The following STX18 variants were observed in gnomAD, a reference collection of about 807,000 sequenced individuals.
STX18 encodes syntaxin 18.
Under a neutral mutation model 50.1 loss-of-function variants are expected in STX18, and 40 were observed. That is an observed-to-expected ratio of 0.80 (90% CI 0.62 to 1.04). STX18 has a LOEUF of 1.04. STX18 is among the 50% of genes least tolerant of loss of function. The pLI is 0.00. For missense variants in STX18, 410 were observed against 415.8 expected (o/e 0.99, Z 0.12); for synonymous variants, 158 against 151.8 (o/e 1.04, Z -0.30).
At chr4:4,508,440 A>G (rs752764320) in intron 1 of STX18, among the ~76,000 whole-genome samples, 1 of 152,184 alleles carries the variant, frequency 6.6e-6, no homozygotes, top group Non-Finnish European at 1.5e-5. Flanking sequence ...TATATAAAAT[A>G]TACATGAGAA....
chr4:4,511,855 G>A lies in STX18; in HGVS notation c.168+29942C>T, dbSNP rs1016631472. Among the ~76,000 whole-genome samples the A allele has an allele frequency of 2.0e-5, 3 of 151,730 alleles. 1 individual carries two copies. In the South Asian group the frequency reaches 6.2e-4, roughly 31 times the overall value. ...GAGATTTGAAAAATACTAAGGTAAT[G>A]TATGAAGGATGGGTTAAAGTTCAGG... is the stretch of plus-strand genomic sequence containing the variant. On this transcript the variant is annotated intron_variant, in intron 1 of 10. Transcript: ENST00000306200.
At chr4:4,530,939 C>T (rs1269935987) in intron 1 of STX18, among the ~76,000 whole-genome samples, 1 of 152,148 alleles carries the variant, frequency 6.6e-6, no homozygotes, top group Non-Finnish European at 1.5e-5. Context: ...CTTCCCACTT[C>T]TACAAAGTAT....
chr4:4,496,697 A>G (rs923315814), intron 1 of STX18, among the ~76,000 whole-genome samples: 1 of 152,168 alleles, frequency 6.6e-6, no homozygotes, highest in East Asian at 1.9e-4. Flanking sequence ...GTGGGTAGAA[A>G]GGTTGACATC....
At chr4:4,443,228 C>T (rs1324585215) in intron 5 of STX18, among the ~76,000 whole-genome samples, 2 of 152,190 alleles carry the variant, frequency 1.3e-5, no homozygotes, top group Non-Finnish European at 2.9e-5. Flanking sequence ...ATAGCAATTT[C>T]GTAATTCAAT....
chr4:4,421,218 G>A (rs930848133), intron 9 of STX18, among the ~76,000 whole-genome samples: 2 of 152,116 alleles, frequency 1.3e-5, no homozygotes, highest in African/African-American at 4.8e-5. Flanking sequence ...AGCACCCCAA[G>A]AAGTAGGTAT....
rs776414367 is a variant in STX18, at chr4:4,481,602, T to G, written c.169-9896A>C. 15 of 152,364 alleles carry G rather than the reference T, an allele frequency of 9.8e-5. No individual in the cohort carries two copies. In the Middle Eastern group the frequency reaches 0.01, roughly 104 times the overall value. 9.4% of individuals were successfully genotyped at this position (152,364 alleles called of 1,614,324 possible). A position where few individuals can be genotyped will look rare whatever the true frequency, so the allele number is the denominator to read the frequency against. Reference sequence around the variant, plus strand: ...AAAGTGATTTTTCACAAGGATCATGTACCCAAGTTTAATTTGGAGCCCACT... The same window carrying G: ...AAAGTGATTTTTCACAAGGATCATGGACCCAAGTTTAATTTGGAGCCCACT... On this transcript the variant is annotated intron_variant, in intron 1 of 10. Transcript: ENST00000306200.
At chr4:4,495,263 T>C (rs578107333) in intron 1 of STX18, among the ~76,000 whole-genome samples, 18 of 152,334 alleles carry the variant, frequency 1.2e-4, no homozygotes, top group Admixed American at 3.3e-4. Context: ...TAGGCTAATA[T>C]TGGAAGACCT....
intron 1 of STX18, among the ~76,000 whole-genome samples, chr4:4,513,421 A>G (rs1730097795): frequency 6.6e-6 from 1 of 152,180 alleles, no homozygotes; most frequent in South Asian, 2.1e-4. Flanking sequence ...ACCAAAGGAT[A>G]GAGAAACAGG....
intron 1 of STX18, among the ~76,000 whole-genome samples, chr4:4,505,363 T>C (rs1729651011): frequency 6.6e-6 from 1 of 152,210 alleles, no homozygotes; most frequent in Non-Finnish European, 1.5e-5. Flanking sequence ...GGCAACACAG[T>C]ACACTGCAAA....
intron 1 of STX18, among the ~76,000 whole-genome samples, chr4:4,539,925 T>C (rs1009395943): frequency 7.2e-5 from 11 of 152,120 alleles, no homozygotes; most frequent in African/African-American, 2.7e-4. Flanking sequence ...TGAGCAGGAC[T>C]CAAAATTAGC....
At chr4:4,469,825 G>A (rs958121555) in intron 2 of STX18, among the ~76,000 whole-genome samples, 1 of 152,068 alleles carries the variant, frequency 6.6e-6, no homozygotes, top group African/African-American at 2.4e-5. Flanking sequence ...TCTATGACAG[G>A]TGGAAAGAAG....
intron 1 of STX18, among the ~76,000 whole-genome samples, chr4:4,506,671 G>A (rs1729721392): frequency 6.6e-6 from 1 of 152,114 alleles, no homozygotes; most frequent in South Asian, 2.1e-4. Context: ...GGATAGCATT[G>A]AACTCTATAG....
chr4:4,542,070 C>G, upstream of STX18: 3 of 1,273,098 alleles, frequency 2.4e-6, no homozygotes, highest in Non-Finnish European at 3.1e-6. Context: ...ACACGCCTCC[C>G]CCCGGCAACG....
At chr4:4,470,484 G>A (rs1307234940) in intron 2 of STX18, among the ~76,000 whole-genome samples, 37 of 152,186 alleles carry the variant, frequency 2.4e-4, no homozygotes, top group Admixed American at 2.4e-3. Flanking sequence ...ATGGAAACAC[G>A]ATGGAAACCT....
At chr4:4,446,948 C>CGTA (rs1451142563) in intron 5 of STX18, among the ~76,000 whole-genome samples, 2 of 152,180 alleles carry the variant, frequency 1.3e-5, no homozygotes, top group Non-Finnish European at 2.9e-5. Context: ...AATGCAATAC[C>CGTA]ATTCAGCAAT....
intron 1 of STX18, among the ~76,000 whole-genome samples, chr4:4,519,446 T>C (rs1730419699): frequency 6.6e-6 from 1 of 152,188 alleles, no homozygotes; most frequent in Admixed American, 6.5e-5. Context: ...AAAGTCCTAA[T>C]GAAATTTTCA....
chr4:4,492,954 T>C (rs893353189), intron 1 of STX18, among the ~76,000 whole-genome samples: 4 of 152,230 alleles, frequency 2.6e-5, no homozygotes, highest in African/African-American at 9.6e-5. Context: ...TTAAAATTCA[T>C]GGCTTCAGAT....
chr4:4,439,004 C>T (rs1456604146), intron 5 of STX18, among the ~76,000 whole-genome samples: 2 of 148,934 alleles, frequency 1.3e-5, no homozygotes, highest in Non-Finnish European at 3.0e-5. Flanking sequence ...ACACCACACA[C>T]ACACATATAT....
intron 7 of STX18, 98 bp from the exon 8 acceptor site, chr4:4,425,320 C>A: frequency 1.8e-6 from 2 of 1,107,660 alleles, no homozygotes; most frequent in Non-Finnish European, 2.7e-6. Context: ...ACTGCCGAAG[C>A]CCCCATTTCC....
Sources: allele counts gnomAD v4.1 joint callset (sites outside exome capture counted in the v4.1 genomes callset), GRCh38; gene constraint gnomAD v4.1.1; transcripts MANE v1.5; gene names NCBI Gene and HGNC (gene_info 2026-07-23, HGNC 2026-07-21).